Variants in CCDC149 observed in about 807,000 individuals in gnomAD.
CCDC149 encodes the protein coiled-coil domain containing 149.
Under a neutral mutation model 59.9 loss-of-function variants are expected in CCDC149, and 45 were observed. The observed-to-expected ratio is 0.75, with a 90% confidence interval of 0.59 to 0.96. The LOEUF is 0.96. Among genes scored for constraint, CCDC149 ranks in the 40% least tolerant of loss-of-function variants. CCDC149 has a pLI of 0.00. For synonymous variants in CCDC149, 245 were observed against 260.6 expected, an observed-to-expected ratio of 0.94 and a Z score of 0.58; for missense variants, 584 against 664.7, an observed-to-expected ratio of 0.88 and a Z score of 1.33.
intron 12 of CCDC149, among the ~76,000 whole-genome samples, chr4:24,815,641 T>C (rs1344963826): frequency 2.6e-5 from 4 of 152,242 alleles, no homozygotes; most frequent in African/African-American, 9.6e-5. Context: ...GTGTTTTTAC[T>C]GTAGGTCAGG....
At chr4:24,897,544 G>A (rs1248130948) in intron 1 of CCDC149, among the ~76,000 whole-genome samples, 1 of 152,118 alleles carries the variant, frequency 6.6e-6, no homozygotes, top group Non-Finnish European at 1.5e-5. Flanking sequence ...GGGTGCTGAG[G>A]AGGCCTGCAA....
At chr4:24,974,112 C>G (rs1724072940) in intron 1 of CCDC149, among the ~76,000 whole-genome samples, 1 of 152,254 alleles carries the variant, frequency 6.6e-6, no homozygotes, top group Non-Finnish European at 1.5e-5. Context: ...GTGCGGCCCA[C>G]TGTCTAACTA....
At chr4:24,881,444 T>C (rs571201841) in intron 1 of CCDC149, among the ~76,000 whole-genome samples, 1 of 152,298 alleles carries the variant, frequency 6.6e-6, no homozygotes, top group East Asian at 1.9e-4. Context: ...GAAGCACAGG[T>C]TGCTATAGGG....
intron 1 of CCDC149, among the ~76,000 whole-genome samples, chr4:24,964,108 C>T (rs190280919): frequency 6.7e-6 from 1 of 148,500 alleles, no homozygotes; most frequent in Admixed American, 6.8e-5. Flanking sequence ...ATGGGAGGAT[C>T]GGTTGAGCCC....
At position 24,934,876 on chromosome 4, in the gene CCDC149, T is replaced by C. The variant is rs367882049; in HGVS notation, c.-64-39758A>G. ...GACTGAGAATACGATAAGTAAACAG[T>C]TGATGGAGACAGAGAGGTAGTCAGA... On this transcript the variant is annotated intron_variant, in intron 1 of 12. Transcript: ENST00000389609. 1.2e-3 allele frequency among the ~76,000 whole-genome samples: 176 copies of C among 152,338 alleles called. 5 individuals carry two copies. In the South Asian group the frequency reaches 0.033, roughly 28 times the overall value.
chr4:24,804,961 A>G (rs1199616611), downstream of CCDC149, among the ~76,000 whole-genome samples: 2 of 152,164 alleles, frequency 1.3e-5, no homozygotes, highest in African/African-American at 4.8e-5. Context: ...GGCTTTGGGA[A>G]TAGCTGTGGG....
chr4:24,967,728 T>C (rs934442270), intron 1 of CCDC149, among the ~76,000 whole-genome samples: 8 of 151,620 alleles, frequency 5.3e-5, no homozygotes, highest in African/African-American at 1.9e-4. Flanking sequence ...GATGATATTA[T>C]GTTAACCTCT....
upstream of CCDC149, among the ~76,000 whole-genome samples, chr4:24,914,385 G>T: frequency 8.3e-6 from 1 of 120,234 alleles, no homozygotes; most frequent in African/African-American, 2.9e-5. Flanking sequence ...TGTGTTACCA[G>T]AAAAAAAAAA....
intron 9 of CCDC149, among the ~76,000 whole-genome samples, chr4:24,825,287 T>C (rs1475569112): frequency 1.3e-5 from 2 of 152,202 alleles, no homozygotes; most frequent in Non-Finnish European, 2.9e-5. Flanking sequence ...AAGGCTTTAA[T>C]AACAGCTGGC....
At chr4:24,876,034 A>G (rs1381978517) in intron 2 of CCDC149, among the ~76,000 whole-genome samples, 1 of 151,972 alleles carries the variant, frequency 6.6e-6, no homozygotes, top group Non-Finnish European at 1.5e-5. Context: ...ATTCCCCTCC[A>G]TCCCACCTGG....
intron 8 of CCDC149, among the ~76,000 whole-genome samples, chr4:24,832,389 G>A (rs1716217018): frequency 6.6e-6 from 1 of 152,236 alleles, no homozygotes; most frequent in African/African-American, 2.4e-5. Flanking sequence ...TATTGGGAAA[G>A]AGTACATTAT....
intron 1 of CCDC149, among the ~76,000 whole-genome samples, chr4:24,932,106 C>T (rs918706271): frequency 1.1e-4 from 17 of 151,810 alleles, no homozygotes; most frequent in African/African-American, 3.9e-4. Flanking sequence ...TTGCTCTAAA[C>T]TATTATATTA....
chr4:24,863,045 C>A (rs909510779), intron 3 of CCDC149, among the ~76,000 whole-genome samples: 2 of 152,162 alleles, frequency 1.3e-5, no homozygotes, highest in African/African-American at 4.8e-5. Context: ...GTAATCCCAG[C>A]ACTTTGGGGG....
chr4:24,951,428 G>C (rs947210134), intron 1 of CCDC149, among the ~76,000 whole-genome samples: 8 of 152,122 alleles, frequency 5.3e-5, no homozygotes, highest in African/African-American at 1.9e-4. Flanking sequence ...CAAAAGAGCA[G>C]AGCACAAAAG....
At chr4:24,840,081 C>T (rs567762851) in intron 4 of CCDC149, among the ~76,000 whole-genome samples, 1 of 152,186 alleles carries the variant, frequency 6.6e-6, no homozygotes, top group South Asian at 2.1e-4. Flanking sequence ...AGAATATTAA[C>T]TAAATTGAAA....
intron 1 of CCDC149, among the ~76,000 whole-genome samples, chr4:24,877,232 C>A (rs934491874): frequency 3.9e-5 from 6 of 152,072 alleles, no homozygotes; most frequent in African/African-American, 1.4e-4. Flanking sequence ...GTCATCCAGG[C>A]TGGAGTGCAG....
Position 24,808,290 on chromosome 4 carries a change from T to G in CCDC149, c.*99A>C, listed in dbSNP as rs1577368933. ...GTTTTCTCACTTGCAGACTCGGAGG[T>G]ATTTCAGGAGAAGGCGACGTGAGCG... On this transcript the variant is annotated 3_prime_UTR_variant, in exon 13 of 13. Coordinates refer to ENST00000635206, the MANE Select transcript of CCDC149 (RefSeq NM_001330643.2). 9.1e-7 allele frequency: 1 copy of G among 1,094,440 alleles called. No individual in the cohort carries two copies. 67.8% of individuals were successfully genotyped at this position (1,094,440 alleles called of 1,614,324 possible).
chr4:24,936,934 T>G (rs1015683378), intron 1 of CCDC149, among the ~76,000 whole-genome samples: 2 of 152,230 alleles, frequency 1.3e-5, no homozygotes, highest in East Asian at 3.8e-4. Context: ...AAATCAGTTT[T>G]AATTACAGAC....
intron 3 of CCDC149, among the ~76,000 whole-genome samples, chr4:24,871,632 C>A (rs1157974649): frequency 6.6e-6 from 1 of 152,154 alleles, no homozygotes; most frequent in African/African-American, 2.4e-5. Context: ...CTCTCTCTCT[C>A]ATAAATACAT....
Sources: allele counts gnomAD v4.1 joint callset (sites outside exome capture counted in the v4.1 genomes callset), GRCh38; gene constraint gnomAD v4.1.1; transcripts MANE v1.5; gene names NCBI Gene and HGNC (gene_info 2026-07-23, HGNC 2026-07-21).